The following ENTHD1 variants were observed in gnomAD, a reference collection of about 807,000 sequenced individuals.
The protein encoded by ENTHD1 is ENTH domain-containing protein 1.
ENTHD1 carries 23 observed loss-of-function variants against 39.1 expected under a neutral mutation model. The ratio of observed to expected loss-of-function variants is 0.59; its 90% CI spans 0.42 to 0.83. The LOEUF is 0.83. Among genes scored for constraint, ENTHD1 ranks in the 40% least tolerant of loss-of-function variants. The probability of loss-of-function intolerance (pLI) is 0.00; values close to 1 mark genes in which losing one functional copy is unlikely to be tolerated. For missense variants in ENTHD1, 624 were observed against 705.4 expected, an observed-to-expected ratio of 0.88 and a Z score of 1.31; for synonymous variants, 230 against 258.2, an observed-to-expected ratio of 0.89 and a Z score of 1.05.
intron 5 of ENTHD1, among the ~76,000 whole-genome samples, chr22:39,801,685 G>T (rs971919385): frequency 3.3e-5 from 5 of 152,166 alleles, no homozygotes; most frequent in Non-Finnish European, 5.9e-5. Flanking sequence ...GAAGAATGAA[G>T]CTGTAACTTA....
chr22:39,806,745 C>T (rs2065643956), intron 5 of ENTHD1, among the ~76,000 whole-genome samples: 1 of 152,130 alleles, frequency 6.6e-6, no homozygotes, highest in African/African-American at 2.4e-5. Context: ...AGGGTGTCTT[C>T]AGAGCCCAGA....
At chr22:39,784,759 A>G (rs2065440951) in intron 5 of ENTHD1, among the ~76,000 whole-genome samples, 2 of 152,120 alleles carry the variant, frequency 1.3e-5, no homozygotes, top group African/African-American at 2.4e-5. Flanking sequence ...AGTAGAGTGG[A>G]AGTTACCAGG....
chr22:39,868,547 C>T (rs5995786), intron 2 of ENTHD1, among the ~76,000 whole-genome samples: 35,179 of 151,976 alleles, frequency 0.23, 4,485 homozygotes, highest in African/African-American at 0.32. Context: ...GAAAACACCA[C>T]GCTGGACATT....
chr22:39,857,587 G>A (rs577265334), intron 3 of ENTHD1, among the ~76,000 whole-genome samples: 2 of 151,984 alleles, frequency 1.3e-5, no homozygotes, highest in Admixed American at 1.3e-4. Flanking sequence ...GATTCACCAG[G>A]CCAAGTTTGC....
chr22:39,850,538 T>G (rs1475203493), intron 3 of ENTHD1, among the ~76,000 whole-genome samples: 1 of 152,204 alleles, frequency 6.6e-6, no homozygotes, highest in Admixed American at 6.5e-5. Context: ...ACTGTGATTA[T>G]TAATCTATCT....
chr22:39,843,746 G>T (rs1323661572), intron 3 of ENTHD1, among the ~76,000 whole-genome samples: 1 of 152,190 alleles, frequency 6.6e-6, no homozygotes, highest in Non-Finnish European at 1.5e-5. Flanking sequence ...TTTGAGGCTG[G>T]AATGGCTCTT....
chr22:39,818,270 G>A (rs962206982), intron 5 of ENTHD1, among the ~76,000 whole-genome samples: 7 of 152,230 alleles, frequency 4.6e-5, no homozygotes, highest in African/African-American at 1.7e-4. Context: ...ACGTGAGTCA[G>A]CAAGCCTTCA....
intron 2 of ENTHD1, among the ~76,000 whole-genome samples, chr22:39,880,308 C>T (rs557361178): frequency 6.6e-6 from 1 of 152,254 alleles, no homozygotes; most frequent in Admixed American, 6.5e-5. Flanking sequence ...AAGATCAATG[C>T]TTGCAGGGGC....
chr22:39,821,211 C>A (rs1300700222), intron 4 of ENTHD1, 98 bp from the exon 5 acceptor site: 5 of 1,333,566 alleles, frequency 3.7e-6, no homozygotes, highest in African/African-American at 3.0e-5. Context: ...GTGCTAACAT[C>A]ATCATAAACA....
At chr22:39,835,644 TA>T (rs1268772296) in intron 4 of ENTHD1, among the ~76,000 whole-genome samples, 195 bp downstream of exon 4, 1 of 151,666 alleles carries the variant, frequency 6.6e-6, no homozygotes, top group African/African-American at 2.4e-5. Flanking sequence ...AAGACAAATT[TA>T]AAAAAAACCC....
At chr22:39,798,661 C>T (rs1333341072) in intron 5 of ENTHD1, among the ~76,000 whole-genome samples, 3 of 152,070 alleles carry the variant, frequency 2.0e-5, no homozygotes, top group Non-Finnish European at 4.4e-5. Context: ...GTCCTTGGGC[C>T]CCTGGGCAGT....
intron 5 of ENTHD1, among the ~76,000 whole-genome samples, chr22:39,790,174 G>T (rs2065492755): frequency 6.6e-6 from 1 of 152,168 alleles, no homozygotes; most frequent in African/African-American, 2.4e-5. Flanking sequence ...CCTGGGAGGT[G>T]CTTAAGCAAA....
rs879460025 is a variant in ENTHD1 at position 39,822,193 on chromosome 22, C to CT, written c.712-1081dup. Among the ~76,000 whole-genome samples, 132 of 117,770 alleles carry CT rather than the reference C, an allele frequency of 1.1e-3. 1 individual carries two copies. The highest frequency in any genetic ancestry group is 4.3e-3 in the Middle Eastern group (1 of 230). 77.3% of individuals were successfully genotyped at this position (117,770 alleles called of 152,430 possible). ...TATAGAGTGGGTTTAGCTGGTATGT[C>CT]TTTTTTTTTTTCTGTGAACTAGGGA... On this transcript the variant is annotated intron_variant, in intron 4 of 6. Transcript: ENST00000325157.
chr22:39,808,173 T>C (rs1328203375), intron 5 of ENTHD1, among the ~76,000 whole-genome samples: 2 of 151,860 alleles, frequency 1.3e-5, no homozygotes, highest in Non-Finnish European at 2.9e-5. Context: ...ACAACATGAG[T>C]GTTGGCTACT....
At chr22:39,854,222 G>A (rs547654997) in intron 3 of ENTHD1, among the ~76,000 whole-genome samples, 34 of 152,278 alleles carry the variant, frequency 2.2e-4, no homozygotes, top group South Asian at 4.1e-4. Flanking sequence ...GACCTCAGCC[G>A]GGAATTGATG....
chr22:39,869,713 T>C (rs955398987), intron 2 of ENTHD1, among the ~76,000 whole-genome samples: 1 of 151,544 alleles, frequency 6.6e-6, no homozygotes, highest in Non-Finnish European at 1.5e-5. Context: ...GGATCTTCTA[T>C]GGAATCTATA....
At chr22:39,826,247 G>T (rs545619293) in intron 4 of ENTHD1, among the ~76,000 whole-genome samples, 1 of 152,172 alleles carries the variant, frequency 6.6e-6, no homozygotes, top group South Asian at 2.1e-4. Context: ...GTTATCTCTT[G>T]TCTCATCCTG....
At chr22:39,821,817 T>C (rs1314599524) in intron 4 of ENTHD1, among the ~76,000 whole-genome samples, 1 of 152,184 alleles carries the variant, frequency 6.6e-6, no homozygotes, top group African/African-American at 2.4e-5. Flanking sequence ...TAGACAGTCA[T>C]TTCTTCACTA....
chr22:39,809,589 A>C (rs924476434), intron 5 of ENTHD1, among the ~76,000 whole-genome samples: 1 of 152,172 alleles, frequency 6.6e-6, no homozygotes, highest in African/African-American at 2.4e-5. Flanking sequence ...GACTGTCGGG[A>C]TGGATCTATT....
Sources: allele counts gnomAD v4.1 joint callset (sites outside exome capture counted in the v4.1 genomes callset), GRCh38; gene constraint gnomAD v4.1.1; transcripts MANE v1.5; gene names NCBI Gene and HGNC (gene_info 2026-07-23, HGNC 2026-07-21).